Variants in FAM83G observed in about 807,000 individuals in gnomAD.
The protein encoded by FAM83G is scaffolding CK1 anchoring protein G.
Under a neutral mutation model 61.5 loss-of-function variants are expected in FAM83G, and 38 were observed. The ratio of observed to expected loss-of-function variants is 0.62; its 90% CI spans 0.48 to 0.81. FAM83G has a LOEUF of 0.81. Ranked by LOEUF, FAM83G falls within the 30% of genes least tolerant of loss-of-function variation. The pLI is 0.00. For missense variants in FAM83G, 989 were observed against 1,133.6 expected, an observed-to-expected ratio of 0.87 and a Z score of 1.83; for synonymous variants, 470 against 476.1, an observed-to-expected ratio of 0.99 and a Z score of 0.17.
At position 19,003,311 on chromosome 17, in the gene FAM83G, C is replaced by T. The variant is rs746937067; in HGVS notation, c.522+209G>A. Among the ~76,000 whole-genome samples the T allele has an allele frequency of 1.3e-5, 2 of 151,968 alleles. No homozygotes were observed. Among genetic ancestry groups the T allele is most frequent in the Non-Finnish European group, 2.9e-5 (2 of 67,922 alleles). The stretch of plus-strand genomic sequence containing the variant: ...AGACGGGGCAGCCCACTGTCACCTG[C>T]TAGGACCTGGGAACCCTACCCTGCA... On this transcript the variant is annotated intron_variant, in intron 2 of 5. Transcript: ENST00000388995. This position sits in a 1 kb window ranked among gnomAD's most constrained non-coding sequence, Gnocchi z 4.5.
chr17:19,001,856 C>T (rs1053065485), intron 2 of FAM83G, among the ~76,000 whole-genome samples: 1 of 152,184 alleles, frequency 6.6e-6, no homozygotes, highest in African/African-American at 2.4e-5. Flanking sequence ...TCCTTCCTGT[C>T]GCTGACAAGG....
chr17:18,983,845 T>G (rs2043197448), intron 3 of FAM83G, among the ~76,000 whole-genome samples: 1 of 152,156 alleles, frequency 6.6e-6, no homozygotes, highest in African/African-American at 2.4e-5. Context: ...TCCAAGGCCC[T>G]GGTCTGAGGG....
At chr17:18,972,734 C>T (rs1309761990) in intron 5 of FAM83G, among the ~76,000 whole-genome samples, 2 of 152,000 alleles carry the variant, frequency 1.3e-5, no homozygotes, top group African/African-American at 4.8e-5. Context: ...CGGTGGCAGG[C>T]GCCTGTAGTC....
intron 5 of FAM83G, among the ~76,000 whole-genome samples, chr17:18,974,228 G>A (rs557141267): frequency 2.6e-5 from 4 of 152,250 alleles, no homozygotes; most frequent in African/African-American, 9.6e-5. Flanking sequence ...GTTTCACCAT[G>A]TTGGCCAGGC....
At chr17:18,990,545 T>C (rs2043390496) in intron 2 of FAM83G, among the ~76,000 whole-genome samples, 1 of 152,228 alleles carries the variant, frequency 6.6e-6, no homozygotes, top group Admixed American at 6.5e-5. Flanking sequence ...GGACTTGCCC[T>C]GGGCTTGGGC....
Position 18,969,245 on chromosome 17 carries a change from C to T in FAM83G, c.*2114G>A, listed in dbSNP as rs2042777948. 1 of 1,577,066 alleles carries T rather than the reference C, an allele frequency of 6.3e-7. No homozygotes were observed. Among genetic ancestry groups the T allele is most frequent in the East Asian group, 2.2e-5 (1 of 44,576 alleles). On this transcript the variant is annotated 3_prime_UTR_variant, in exon 6 of 6. Coordinates refer to ENST00000388995, the MANE Select transcript of FAM83G (RefSeq NM_001039999.3). ...CCCCCTACAGGCCCGAGGGAGCAGC[C>T]CAGGAAGTGGCCCCAGCAGGAGCCC...
chr17:18,973,884 GTT>G (rs35778801), intron 5 of FAM83G, among the ~76,000 whole-genome samples: 2 of 95,726 alleles, frequency 2.1e-5, no homozygotes, highest in African/African-American at 4.0e-5. Context: ...TTTTTTTTAA[GTT>G]TTTTTTTTTT....
rs1451270586 is a variant in FAM83G at position 18,971,656 on chromosome 17, G to A, written c.2175C>T (p.Asp725=). 2 of 1,613,240 alleles carry A rather than the reference G, an allele frequency of 1.2e-6. No individual in the cohort carries two copies. Among genetic ancestry groups the A allele is most frequent in the South Asian group, 1.1e-5 (1 of 91,070 alleles). The change falls in exon 6 of 6, where the codon GAC becomes GAT. Residue 725 remains aspartate, a synonymous_variant. Coordinates refer to ENST00000388995, the MANE Select transcript of FAM83G (RefSeq NM_001039999.3). The surrounding 1 kb of genome is among the most constrained non-coding windows in gnomAD (Gnocchi z 5.5). Reference sequence around the variant, plus strand: ...CGTTTCTGGTAGAGCTCTGGACGCTGTCAGCAGCAGAGCGGTACCTAGGGG... The same window carrying A: ...CGTTTCTGGTAGAGCTCTGGACGCTATCAGCAGCAGAGCGGTACCTAGGGG... ...PGPPRYRSAA[D]SVQSSTRNAG...
chr17:18,999,742 T>A (rs1478734002), intron 2 of FAM83G, among the ~76,000 whole-genome samples: 1 of 152,222 alleles, frequency 6.6e-6, no homozygotes, highest in Non-Finnish European at 1.5e-5. Context: ...TCGTGAAACC[T>A]GGGTTCGACT....
In FAM83G at chr17:18,971,522, A is replaced by T. The variant is rs994987012; in HGVS notation, c.2309T>A (p.Met770Lys). Reference sequence around the variant, plus strand: ...CTCCTCGGTGGCCCTGCCATCGGTCATGGGGCGGGCATTTTGGGCCAGTCT... The same window carrying T: ...CTCCTCGGTGGCCCTGCCATCGGTCTTGGGGCGGGCATTTTGGGCCAGTCT... ...SPRLAQNARP[M>K]TDGRATEEHP... The change falls in exon 6 of 6, where the codon ATG becomes AAG. Residue 770 changes from methionine (M) to lysine (K), a missense_variant. Physicochemically the swap from Met to Lys is moderately conservative, Grantham distance 95. Around this residue, in one of 3 missense-constraint regions of FAM83G, gnomAD observed 574 missense variants for 645.1 expected, o/e 0.89. Coordinates refer to ENST00000388995, the MANE Select transcript of FAM83G (RefSeq NM_001039999.3). The surrounding 1 kb of genome is among the most constrained non-coding windows in gnomAD (Gnocchi z 5.5). 3.1e-6 allele frequency: 5 copies of T among 1,613,850 alleles called. No homozygotes were observed. In the African/African-American group the frequency reaches 6.7e-5, roughly 22 times the overall value.
chr17:18,984,252 T>G (rs1298349753), intron 3 of FAM83G, among the ~76,000 whole-genome samples: 38 of 139,538 alleles, frequency 2.7e-4, no homozygotes, highest in Middle Eastern at 8.1e-3. Flanking sequence ...TGAAGCAGGA[T>G]AATGGCACGA....
chr17:18,977,370 G>A (rs903845623), intron 5 of FAM83G: 10 of 598,668 alleles, frequency 1.7e-5, no homozygotes, highest in Non-Finnish European at 2.9e-5. Context: ...TTTTCAGGAT[G>A]CTGGGACCAA....
Position 19,003,507 on chromosome 17 carries a change from C to T in FAM83G, c.522+13G>A, listed in dbSNP as rs775352334. 4 of 1,520,018 alleles carry T rather than the reference C, an allele frequency of 2.6e-6. No homozygotes were observed. Among genetic ancestry groups the T allele is most frequent in the East Asian group, 4.6e-5 (2 of 43,648 alleles). The allele number at this position is 1,520,018 out of a possible 1,614,324, so 94.2% of individuals were successfully genotyped here. A position where few individuals can be genotyped will look rare whatever the true frequency, so the allele number is the denominator to read the frequency against. ...GTTGGGCCATGGCTCCAGGAGTCCCCGCGCTGCCTCACCTTCTGTGCCTGG... is the reference window on the plus strand; with the variant it reads ...GTTGGGCCATGGCTCCAGGAGTCCCTGCGCTGCCTCACCTTCTGTGCCTGG... On this transcript the variant is annotated intron_variant, in intron 2 of 5. Transcript: ENST00000388995. The surrounding 1 kb of genome is among the most constrained non-coding windows in gnomAD (Gnocchi z 4.5).
Position 18,978,802 on chromosome 17 carries a change from C to G in FAM83G, c.864G>C (p.Leu288=). The change falls in exon 5 of 6, where the codon CTG becomes CTC. Residue 288 remains leucine (L), a synonymous_variant. Coordinates refer to ENST00000388995, the MANE Select transcript of FAM83G (RefSeq NM_001039999.3). ...CAAACATCTCCACCACCTGGCCAGA[C>G]AGCACAGAGATCACATTCCGGTCCG... ...ARTDRNVISV[L]SGQVVEMFDR... is the part of the protein sequence containing the mutation. The G allele has an allele frequency of 6.2e-7, 1 of 1,612,976 alleles. No homozygotes were observed. Among genetic ancestry groups the G allele is most frequent in the African/African-American group, 1.3e-5 (1 of 75,026 alleles).
chr17:19,003,620 T>C lies in FAM83G; in HGVS notation c.422A>G (p.Tyr141Cys). Residue 141 changes from tyrosine to cysteine, a missense_variant, in exon 2 of 6, where the codon TAC becomes TGC. By Grantham distance (194) the Tyr-to-Cys change is radical (BLOSUM62 -2). This residue lies in a region of FAM83G where 371 missense variants were observed against 404.5 expected (regional missense o/e 0.92). Coordinates refer to ENST00000388995, the MANE Select transcript of FAM83G (RefSeq NM_001039999.3). The surrounding 1 kb of genome is among the most constrained non-coding windows in gnomAD (Gnocchi z 4.5). Reference sequence around the variant, plus strand: ...GACGCTAGCCCGGGTCACGCCGCGGTAGGCGATGGTGTCGGGCCAGCCCAG... The same window carrying C: ...GACGCTAGCCCGGGTCACGCCGCGGCAGGCGATGGTGTCGGGCCAGCCCAG... ...LDLGWPDTIA[Y>C]RGVTRASVYM... 1 of 1,612,056 alleles carries C rather than the reference T, an allele frequency of 6.2e-7. No individual in the cohort carries two copies. Among genetic ancestry groups the C allele is most frequent in the African/African-American group, 1.3e-5 (1 of 75,008 alleles).
upstream of FAM83G, among the ~76,000 whole-genome samples, chr17:19,005,247 C>T (rs1047596128): frequency 2.6e-5 from 4 of 152,216 alleles, no homozygotes; most frequent in African/African-American, 7.2e-5. Context: ...GTTCTCAGTC[C>T]TAAGCCCTGA....
rs1476342336 is a variant in FAM83G at position 19,003,104 on chromosome 17, C to A, written c.522+416G>T. 6.6e-6 allele frequency among the ~76,000 whole-genome samples: 1 copy of A among 152,032 alleles called. No homozygotes were observed. The highest frequency in any genetic ancestry group is 6.6e-5 in the Admixed American group (1 of 15,258). On this transcript the variant is annotated intron_variant, in intron 2 of 5. Transcript: ENST00000388995. This position sits in a 1 kb window ranked among gnomAD's most constrained non-coding sequence, Gnocchi z 4.5. Reference sequence around the variant, plus strand: ...CTTGGACCATGCCTATTCCCTCACCCCACAACAAAAGCTCTCCCCACCAGA... The same window carrying A: ...CTTGGACCATGCCTATTCCCTCACCACACAACAAAAGCTCTCCCCACCAGA...
At chr17:18,995,197 C>T (rs552085504) in intron 2 of FAM83G, among the ~76,000 whole-genome samples, 7 of 152,114 alleles carry the variant, frequency 4.6e-5, no homozygotes, top group East Asian at 3.9e-4. Flanking sequence ...AACCAAAAAC[C>T]GACACAGATG....
chr17:19,002,252 C>A (rs2043749355), intron 2 of FAM83G, among the ~76,000 whole-genome samples: 2 of 152,246 alleles, frequency 1.3e-5, no homozygotes, highest in African/African-American at 4.8e-5. Context: ...CTCAAAGCTG[C>A]CCAGGGTCAG....
Sources: gnomAD v4.1 joint callset for allele counts (sites outside exome capture counted in the v4.1 genomes callset) on GRCh38, gnomAD v4.1.1 for gene constraint, gnomAD v4.1.1 regional missense constraint, Gnocchi (gnomAD v3.1) non-coding constraint, MANE v1.5 for transcripts, NCBI Gene and HGNC (gene_info 2026-07-23, HGNC 2026-07-21) for gene names.